The following ME3 variants were observed in gnomAD, a reference collection of about 807,000 sequenced individuals.
ME3 encodes the protein malic enzyme 3, also known as NADP-dependent malic enzyme, mitochondrial.
In ME3, 48 loss-of-function variants were observed where a neutral mutation model predicts 68.9. The observed-to-expected ratio is 0.70, with a 90% CI of 0.55 to 0.89. The LOEUF is 0.89. Among genes scored for constraint, ME3 ranks in the 40% least tolerant of loss-of-function variants. ME3 has a pLI of 0.00. For missense variants in ME3, 675 were observed against 797.4 expected, an observed-to-expected ratio of 0.85 and a Z score of 1.85; for synonymous variants, 320 against 318.8, an observed-to-expected ratio of 1.00 and a Z score of -0.04.
intron 4 of ME3, among the ~76,000 whole-genome samples, chr11:86,549,162 C>G (rs1365352399): frequency 6.6e-6 from 1 of 152,198 alleles, no homozygotes. Flanking sequence ...TTTCATAGCT[C>G]TTTTTCAGTT....
chr11:86,557,113 T>G (rs777073258), intron 3 of ME3, among the ~76,000 whole-genome samples: 2 of 152,204 alleles, frequency 1.3e-5, no homozygotes, highest in Non-Finnish European at 2.9e-5. Flanking sequence ...ATGCTTATGA[T>G]ATTATGTGAA....
chr11:86,628,531 T>A (rs74995000), intron 2 of ME3, among the ~76,000 whole-genome samples: 3,767 of 152,316 alleles, frequency 0.025, 139 homozygotes, highest in African/African-American at 0.081. Flanking sequence ...TAGTATTTTT[T>A]TAAATTTCTC....
intron 4 of ME3, among the ~76,000 whole-genome samples, chr11:86,512,835 T>A (rs646798): frequency 0.09 from 13,639 of 152,200 alleles, 815 homozygotes; most frequent in East Asian, 0.26. Flanking sequence ...GAATATGCCA[T>A]CCTAAAATGT....
At chr11:86,506,919 C>T (rs1215108701) in intron 5 of ME3, among the ~76,000 whole-genome samples, 2 of 152,150 alleles carry the variant, frequency 1.3e-5, no homozygotes, top group Admixed American at 6.6e-5. Context: ...CTTCTCTGGG[C>T]CTGGGACCAA....
At chr11:86,580,800 C>A (rs1463427397) in intron 2 of ME3, among the ~76,000 whole-genome samples, 1 of 152,186 alleles carries the variant, frequency 6.6e-6, no homozygotes, top group East Asian at 1.9e-4. Flanking sequence ...TTTTTTTGCA[C>A]AAATTTTAAG....
At chr11:86,559,991 G>C (rs1594446535) in intron 2 of ME3, among the ~76,000 whole-genome samples, 168 bp from the exon 3 acceptor site, 1 of 152,200 alleles carries the variant, frequency 6.6e-6, no homozygotes, top group African/African-American at 2.4e-5. Flanking sequence ...TCTTGTGCCA[G>C]TTACTTTGAT....
At chr11:86,611,147 G>C (rs1395941292) in intron 2 of ME3, among the ~76,000 whole-genome samples, 1 of 152,178 alleles carries the variant, frequency 6.6e-6, no homozygotes, top group Non-Finnish European at 1.5e-5. Flanking sequence ...ACCAGACATA[G>C]AAAGACAAAT....
At chr11:86,654,542 A>C (rs1300010164) in intron 2 of ME3, among the ~76,000 whole-genome samples, 1 of 152,256 alleles carries the variant, frequency 6.6e-6, no homozygotes, top group Non-Finnish European at 1.5e-5. Flanking sequence ...GACAAAATTC[A>C]ACAACCCTTC....
At chr11:86,630,781 C>T (rs970384778) in intron 2 of ME3, among the ~76,000 whole-genome samples, 1 of 152,172 alleles carries the variant, frequency 6.6e-6, no homozygotes, top group African/African-American at 2.4e-5. Flanking sequence ...CATTAGAAAC[C>T]CGAGTCAGGA....
At chr11:86,505,622 C>T (rs1258240330) in intron 5 of ME3, among the ~76,000 whole-genome samples, 1 of 152,216 alleles carries the variant, frequency 6.6e-6, no homozygotes, top group Non-Finnish European at 1.5e-5. Context: ...ACAGCTGCCT[C>T]CACCACCTCC....
At chr11:86,596,849 T>G (rs1396706676) in intron 2 of ME3, among the ~76,000 whole-genome samples, 1 of 152,234 alleles carries the variant, frequency 6.6e-6, no homozygotes, top group East Asian at 1.9e-4. Flanking sequence ...CTCTTTTTTC[T>G]TTATATTTTC....
exon 2 of ME3, chr11:86,671,878 G>A (rs1946973969): frequency 1.9e-6 from 3 of 1,553,208 alleles, no homozygotes; most frequent in East Asian, 2.5e-5. Context: ...GTCCAGCGCG[G>A]GAGGGCGCCG....
intron 2 of ME3, among the ~76,000 whole-genome samples, chr11:86,595,556 C>T (rs907511767): frequency 7.2e-5 from 11 of 152,100 alleles, no homozygotes; most frequent in African/African-American, 2.7e-4. Context: ...ATCGAGTAAG[C>T]GCGTGCCCTG....
At chr11:86,472,064 G>T (rs1369362233) in intron 7 of ME3, among the ~76,000 whole-genome samples, 5 of 152,194 alleles carry the variant, frequency 3.3e-5, no homozygotes, top group Non-Finnish European at 7.3e-5. Flanking sequence ...CTTGAAGGAA[G>T]AGCAGAGGTT....
At chr11:86,647,709 A>C (rs1028816478) in intron 2 of ME3, among the ~76,000 whole-genome samples, 1 of 152,202 alleles carries the variant, frequency 6.6e-6, no homozygotes, top group Non-Finnish European at 1.5e-5. Context: ...AGAGCTAAGT[A>C]TCCTAAATAT....
At chr11:86,489,201 A>G (rs1366569208) in intron 6 of ME3, 1 of 152,070 alleles carries the variant, frequency 6.6e-6, no homozygotes, top group Non-Finnish European at 1.5e-5. Context: ...AAAGATAAGG[A>G]CCAGTGGGCC....
At chr11:86,520,774 A>G (rs1410821973) in intron 4 of ME3, among the ~76,000 whole-genome samples, 3 of 152,220 alleles carry the variant, frequency 2.0e-5, no homozygotes, top group Non-Finnish European at 2.9e-5. Context: ...TTCTGCATAG[A>G]TGGTCTATTC....
intron 4 of ME3, among the ~76,000 whole-genome samples, chr11:86,513,087 C>T (rs867553207): frequency 1.2e-4 from 19 of 152,070 alleles, no homozygotes; most frequent in African/African-American, 4.6e-4. Flanking sequence ...TAGACCTTAC[C>T]AAAGCTCTGG....
At chr11:86,473,678 C>T (rs1373897139) in intron 7 of ME3, among the ~76,000 whole-genome samples, 1 of 152,154 alleles carries the variant, frequency 6.6e-6, no homozygotes, top group African/African-American at 2.4e-5. Flanking sequence ...CTGCCACAGA[C>T]TTGCATGAAG....
Sources: allele counts gnomAD v4.1 joint callset (sites outside exome capture counted in the v4.1 genomes callset), GRCh38; gene constraint gnomAD v4.1.1; transcripts MANE v1.5; gene names NCBI Gene and HGNC (gene_info 2026-07-23, HGNC 2026-07-21).